CCDC92B: variants seen among roughly 807,000 people sequenced by gnomAD.
The protein encoded by CCDC92B is coiled-coil domain containing 92B.
A neutral mutation model predicts 5.6 loss-of-function variants in CCDC92B; 2 were observed. The ratio of observed to expected loss-of-function variants is 0.36; its 90% CI spans 0.15 to 1.12. The LOEUF is 1.12. Ranked by LOEUF, CCDC92B falls within the 50% of genes most tolerant of loss-of-function variation. The probability of loss-of-function intolerance (pLI) is 0.40; values close to 1 mark genes in which losing one functional copy is unlikely to be tolerated. For missense variants in CCDC92B, 271 were observed against 262.2 expected, an observed-to-expected ratio of 1.03 and a Z score of -0.23; for synonymous variants, 115 against 122.3, an observed-to-expected ratio of 0.94 and a Z score of 0.39.
rs2070707772 is a variant in CCDC92B at position 2,724,896 on chromosome 17, C to G, written c.283G>C (p.Glu95Gln). 3 of 985,234 alleles carry G rather than the reference C, an allele frequency of 3.0e-6. No homozygotes were observed. Among genetic ancestry groups the G allele is most frequent in the Non-Finnish European group, 3.6e-6 (3 of 829,840 alleles). 61.0% of individuals were successfully genotyped at this position (985,234 alleles called of 1,614,324 possible). ...CAGCGCAGCGCGGACACCAGCGCCT[C>G]GCGCTGCGCCACCTCCCGCCGCAGC... ...AELRREVAQR[E>Q]ALVSALRCSL... The change falls in exon 4 of 4, where the codon GAG becomes CAG. Residue 95 changes from glutamate to glutamine, a missense_variant. Coordinates refer to ENST00000614400, the MANE Select transcript of CCDC92B (RefSeq NM_001355573.2). The surrounding 1 kb of genome is among the most constrained non-coding windows in gnomAD (Gnocchi z 5.0).
intron 1 of CCDC92B, among the ~76,000 whole-genome samples, chr17:2,741,559 G>C (rs2070926657): frequency 6.6e-6 from 1 of 150,682 alleles, no homozygotes; most frequent in Non-Finnish European, 1.5e-5. Flanking sequence ...TCCACCTGTA[G>C]TCCTAGCTAC....
At chr17:2,726,829 G>A (rs1356500908) in intron 3 of CCDC92B, among the ~76,000 whole-genome samples, 2 of 151,332 alleles carry the variant, frequency 1.3e-5, no homozygotes, top group Non-Finnish European at 2.9e-5. Flanking sequence ...TGGCCTGGCT[G>A]GTCTCAAACT....
Position 2,724,018 on chromosome 17 carries a change from A to AC in CCDC92B, c.*392dup, listed in dbSNP as rs1341523611. ...CTAGAGGGCCTGGGGCGCCAATGCC[A>AC]CTCTGCGTCCCTTTCCGTAGGCGAG... On this transcript the variant is annotated 3_prime_UTR_variant, in exon 4 of 4. Coordinates refer to ENST00000614400, the MANE Select transcript of CCDC92B (RefSeq NM_001355573.2). This position sits in a 1 kb window ranked among gnomAD's most constrained non-coding sequence, Gnocchi z 5.0. The AC allele has an allele frequency of 1.0e-6, 1 of 983,708 alleles. No individual in the cohort carries two copies. The highest frequency in any genetic ancestry group is 1.8e-5 in the African/African-American group (1 of 56,896). The allele number at this position is 983,708 out of a possible 1,614,324, so 60.9% of individuals were successfully genotyped here. A position where few individuals can be genotyped will look rare whatever the true frequency, so the allele number is the denominator to read the frequency against.
At chr17:2,740,037 A>G (rs1046252755) in intron 1 of CCDC92B, among the ~76,000 whole-genome samples, 1 of 152,082 alleles carries the variant, frequency 6.6e-6, no homozygotes, top group Non-Finnish European at 1.5e-5. Context: ...AAGGGCCACT[A>G]AAGAGACCTA....
chr17:2,734,496 T>C (rs944985433), intron 2 of CCDC92B, among the ~76,000 whole-genome samples: 5 of 17,942 alleles, frequency 2.8e-4, no homozygotes, highest in Admixed American at 4.9e-4. Context: ...AACCAGAGCT[T>C]TTTTTTTTTT....
chr17:2,724,180 G>A lies in CCDC92B; in HGVS notation c.*231C>T, dbSNP rs1244237282. 1.2e-5 allele frequency: 12 copies of A among 985,390 alleles called. No individual in the cohort carries two copies. The highest frequency in any genetic ancestry group is 6.1e-5 in the Admixed American group (1 of 16,282). 61.0% of individuals were successfully genotyped at this position (985,390 alleles called of 1,614,324 possible). A position where few individuals can be genotyped will look rare whatever the true frequency, so the allele number is the denominator to read the frequency against. On this transcript the variant is annotated 3_prime_UTR_variant, in exon 4 of 4. Coordinates refer to ENST00000614400, the MANE Select transcript of CCDC92B (RefSeq NM_001355573.2). The surrounding 1 kb of genome is among the most constrained non-coding windows in gnomAD (Gnocchi z 5.0). ...TCCTCTCGGTAGAGAAGGTGCCCCC[G>A]CTCGGCCCCGCGGAGGAACTCTCGC...
Position 2,723,644 on chromosome 17 carries a change from G to C in CCDC92B, c.*767C>G, listed in dbSNP as rs183043975. ...CAGAAGCCTGGCCAGCAGCAGGCCT[G>C]TCACCTCCCTTCCCCAGCAGAGCTC... On this transcript the variant is annotated 3_prime_UTR_variant, in exon 4 of 4. Transcript: ENST00000614400. 6.6e-6 allele frequency: 1 copy of C among 152,528 alleles called. No individual in the cohort carries two copies. The highest frequency in any genetic ancestry group is 2.4e-5 in the African/African-American group (1 of 41,540). 9.4% of individuals were successfully genotyped at this position (152,528 alleles called of 1,614,324 possible).
At position 2,730,521 on chromosome 17, in the gene CCDC92B, T is replaced by TTTTGTGTGTGTGTG. The variant is rs1555535097; in HGVS notation, c.131-29_131-28insCACACACACACAAA. Reference sequence around the variant, plus strand: ...GGGGGGAAAGAAAAGAAAAGGCAGTTTGTGTGTGTGTGTGTGTGTGTGTGT... The same window carrying TTTTGTGTGTGTGTG: ...GGGGGGAAAGAAAAGAAAAGGCAGTTTTTGTGTGTGTGTGTGTGTGTGTGTGTGTGTGTGTGTGT... On this transcript the variant is annotated intron_variant, in intron 2 of 3. Coordinates refer to ENST00000614400, the MANE Select transcript of CCDC92B (RefSeq NM_001355573.2). 9.8e-6 allele frequency: 3 copies of TTTTGTGTGTGTGTG among 304,934 alleles called. No individual in the cohort carries two copies. In the African/African-American group the frequency reaches 1.2e-4, roughly 12 times the overall value. The allele number at this position is 304,934 out of a possible 1,614,324, so 18.9% of individuals were successfully genotyped here. A position where few individuals can be genotyped will look rare whatever the true frequency, so the allele number is the denominator to read the frequency against.
intron 1 of CCDC92B, chr17:2,748,072 C>T (rs770298687): frequency 9.6e-6 from 5 of 523,560 alleles, no homozygotes; most frequent in African/African-American, 7.7e-5. Flanking sequence ...CTCGTCCTGG[C>T]GTTTATGGCT....
At chr17:2,729,508 A>AAAG (rs1221140629) in intron 3 of CCDC92B, among the ~76,000 whole-genome samples, 1 of 151,720 alleles carries the variant, frequency 6.6e-6, no homozygotes, top group African/African-American at 2.4e-5. Context: ...AAAAAAAAAA[A>AAAG]AAAAAATTAC....
rs534296310 is a variant in CCDC92B, at chr17:2,724,936, A to C, written c.243T>G (p.Ala81=). 140 of 985,422 alleles carry C rather than the reference A, an allele frequency of 1.4e-4. 1 individual carries two copies. In the South Asian group the frequency reaches 5.8e-3, roughly 41 times the overall value. 61.0% of individuals were successfully genotyped at this position (985,422 alleles called of 1,614,324 possible). The change falls in exon 4 of 4, where the codon GCT becomes GCG. Residue 81 remains alanine, a synonymous_variant. Coordinates refer to ENST00000614400, the MANE Select transcript of CCDC92B (RefSeq NM_001355573.2). The surrounding 1 kb of genome is among the most constrained non-coding windows in gnomAD (Gnocchi z 5.0). ...CCCGCCGCAGCTCCGCGTTGGCCGC[A>C]GCACGCGCCTCCAGCTGCGACTCCA... ...RALESQLEAR[A]AANAELRREV... is the part of the protein sequence containing the mutation.
intron 1 of CCDC92B, among the ~76,000 whole-genome samples, chr17:2,738,018 G>C (rs1211571965): frequency 6.6e-6 from 1 of 151,906 alleles, no homozygotes; most frequent in Non-Finnish European, 1.5e-5. Flanking sequence ...CGAATCCAGA[G>C]AAGGTTCCCA....
At chr17:2,725,988 CTTTTTTTTTTTTT>C (rs565583381) in intron 3 of CCDC92B, among the ~76,000 whole-genome samples, 23 of 78,242 alleles carry the variant, frequency 2.9e-4, no homozygotes, top group African/African-American at 1.3e-3. Flanking sequence ...TTTATCACGT[CTTTTTTTTTTTTT>C]TTTTTTTTTT....
chr17:2,726,210 C>T (rs1265811751), intron 3 of CCDC92B, among the ~76,000 whole-genome samples: 1 of 150,458 alleles, frequency 6.6e-6, no homozygotes, highest in Non-Finnish European at 1.5e-5. Flanking sequence ...TGGAGTCTTG[C>T]TCTCTCGCCC....
Sources: gnomAD v4.1 joint callset for allele counts (sites outside exome capture counted in the v4.1 genomes callset) on GRCh38, gnomAD v4.1.1 for gene constraint, Gnocchi (gnomAD v3.1) non-coding constraint, MANE v1.5 for transcripts, NCBI Gene and HGNC (gene_info 2026-07-23, HGNC 2026-07-21) for gene names.